MAD1L1: variants seen among roughly 807,000 people sequenced by gnomAD.
MAD1L1 encodes mitotic arrest deficient 1 like 1.
Under a neutral mutation model 96.9 loss-of-function variants are expected in MAD1L1, and 95 were observed. That is an observed-to-expected ratio of 0.98 (90% CI 0.83 to 1.16). The LOEUF (loss-of-function observed/expected upper bound fraction) is 1.16. Ranked by LOEUF, MAD1L1 falls within the 50% of genes most tolerant of loss-of-function variation. MAD1L1 has a pLI of 0.00. For synonymous variants in MAD1L1, 473 were observed against 396.6 expected (o/e 1.19, Z -2.29); for missense variants, 1,007 against 954.4 (o/e 1.06, Z -0.73).
chr7:1,934,613 G>A (rs1213797984), intron 17 of MAD1L1, among the ~76,000 whole-genome samples: 1 of 151,480 alleles, frequency 6.6e-6, no homozygotes, highest in Admixed American at 6.6e-5. Flanking sequence ...CAGACAACAG[G>A]GGAACGAACA....
At chr7:2,096,622 T>G (rs1311554837) in intron 11 of MAD1L1, among the ~76,000 whole-genome samples, 1 of 152,158 alleles carries the variant, frequency 6.6e-6, no homozygotes, top group Non-Finnish European at 1.5e-5. Flanking sequence ...CTTCCCCCGC[T>G]ACAGCGAGAC....
Position 2,103,264 on chromosome 7 carries a change from C to T in MAD1L1, c.1074-33926G>A, listed in dbSNP as rs1050788696. Among the ~76,000 whole-genome samples the T allele has an allele frequency of 9.5e-4, 145 of 152,270 alleles. No individual in the cohort carries two copies. Among genetic ancestry groups the T allele is most frequent in the Non-Finnish European group, 7.4e-5 (5 of 68,018 alleles). On this transcript the variant is annotated intron_variant, in intron 11 of 18. Transcript: ENST00000265854. The surrounding 1 kb of genome is among the most constrained non-coding windows in gnomAD (Gnocchi z 4.3). ...CATCCGGCCACGCTGAGGGCCGGGTCGCAGCCCAAGCCATGGCTGCCCCGA... is the reference window on the plus strand; with the variant it reads ...CATCCGGCCACGCTGAGGGCCGGGTTGCAGCCCAAGCCATGGCTGCCCCGA...
At chr7:2,169,458 C>T (rs557237861) in intron 10 of MAD1L1, among the ~76,000 whole-genome samples, 1 of 152,086 alleles carries the variant, frequency 6.6e-6, no homozygotes, top group African/African-American at 2.4e-5. Flanking sequence ...TTGTTCTTTA[C>T]TTGGAAAAAA....
intron 11 of MAD1L1, among the ~76,000 whole-genome samples, chr7:2,100,645 G>C (rs930234708): frequency 6.6e-6 from 1 of 152,250 alleles, no homozygotes; most frequent in East Asian, 1.9e-4. Context: ...GGAAACGGCC[G>C]CACTGGGCCA....
intron 11 of MAD1L1, among the ~76,000 whole-genome samples, chr7:2,075,297 A>G (rs899628564): frequency 1.3e-5 from 2 of 152,184 alleles, no homozygotes; most frequent in Non-Finnish European, 2.9e-5. Flanking sequence ...CCAGGCGTGC[A>G]GGTAGAGGCG....
intron 15 of MAD1L1, among the ~76,000 whole-genome samples, 178 bp from the exon 16 acceptor site, chr7:1,957,897 C>T (rs959008015): frequency 6.6e-6 from 1 of 152,208 alleles, no homozygotes; most frequent in Non-Finnish European, 1.5e-5. Context: ...AATTGGAAAA[C>T]GACACAAGTA....
chr7:2,098,018 C>A (rs1175831736), intron 11 of MAD1L1, among the ~76,000 whole-genome samples: 2 of 152,230 alleles, frequency 1.3e-5, no homozygotes, highest in South Asian at 4.1e-4. Context: ...TGAGAGGAAG[C>A]TTCACCTCCA....
At chr7:2,017,432 C>T (rs145747485) in intron 12 of MAD1L1, among the ~76,000 whole-genome samples, 111 of 152,306 alleles carry the variant, frequency 7.3e-4, no homozygotes, top group African/African-American at 2.5e-3. Flanking sequence ...GGTGAGCAGT[C>T]GGCATCACCT....
At chr7:1,872,374 C>T (rs1426544355) in intron 18 of MAD1L1, among the ~76,000 whole-genome samples, 4 of 152,172 alleles carry the variant, frequency 2.6e-5, no homozygotes, top group Admixed American at 2.6e-4. Flanking sequence ...TGCACCAGGC[C>T]TCCCCACAGC....
At chr7:2,063,936 A>C (rs1253150168) in intron 12 of MAD1L1, among the ~76,000 whole-genome samples, 1 of 152,170 alleles carries the variant, frequency 6.6e-6, no homozygotes, top group African/African-American at 2.4e-5. Context: ...GGGCCTCCTC[A>C]AACCCCAGGC....
chr7:2,008,787 C>T (rs559273125), intron 13 of MAD1L1, among the ~76,000 whole-genome samples: 38 of 114,576 alleles, frequency 3.3e-4, no homozygotes, highest in African/African-American at 9.2e-4. Flanking sequence ...GGAAGGAACA[C>T]GGCTCCATCC....
intron 12 of MAD1L1, among the ~76,000 whole-genome samples, chr7:2,021,483 C>A (rs1314139702): frequency 6.6e-6 from 1 of 152,176 alleles, no homozygotes; most frequent in Non-Finnish European, 1.5e-5. Flanking sequence ...AAACTCTCAG[C>A]GGGGCACACT....
intron 15 of MAD1L1, among the ~76,000 whole-genome samples, chr7:1,964,666 C>G (rs1780085910): frequency 6.6e-6 from 1 of 152,214 alleles, no homozygotes; most frequent in Non-Finnish European, 1.5e-5. Context: ...AATTAGCTGC[C>G]AGCCTAGATC....
chr7:2,132,713 C>T (rs1413767122), intron 11 of MAD1L1, among the ~76,000 whole-genome samples: 1 of 152,268 alleles, frequency 6.6e-6, no homozygotes, highest in African/African-American at 2.4e-5. Flanking sequence ...CGTCTTTTCA[C>T]AGCTTGGTAG....
At chr7:2,138,289 G>T (rs904213230) in intron 11 of MAD1L1, among the ~76,000 whole-genome samples, 1 of 152,154 alleles carries the variant, frequency 6.6e-6, no homozygotes, top group Non-Finnish European at 1.5e-5. Flanking sequence ...CCCAGGGGAC[G>T]TGCTCCCTGG....
In MAD1L1 at chr7:2,038,003, A is replaced by C. The variant is rs187177658; in HGVS notation, c.1219-23361T>G. On this transcript the variant is annotated intron_variant, in intron 12 of 18. Coordinates refer to ENST00000265854, the MANE Select transcript of MAD1L1 (RefSeq NM_001013836.2). ...TGCCAAACAGCTCGCCAAGTTGTGAATGCAAAGGGAAAGTTCTTGGAGGAA... is the reference window on the plus strand; with the variant it reads ...TGCCAAACAGCTCGCCAAGTTGTGACTGCAAAGGGAAAGTTCTTGGAGGAA... 4.0e-3 allele frequency among the ~76,000 whole-genome samples: 615 copies of C among 152,344 alleles called. 6 individuals are homozygous for C. Among genetic ancestry groups the C allele is most frequent in the African/African-American group, 0.014 (582 of 41,576 alleles).
rs781635983 is a variant in MAD1L1 at position 2,014,489 on chromosome 7, C to G, written c.1359+13G>C. On this transcript the variant is annotated intron_variant, in intron 13 of 18. Transcript: ENST00000265854. ...CACCTGGCGACGTGAGCCCCACGCC[C>G]GCGGCCCCTCACCTCCATCTCGGCG... 6.4e-7 allele frequency: 1 copy of G among 1,559,448 alleles called. No homozygotes were observed. The highest frequency in any genetic ancestry group is 2.3e-5 in the East Asian group (1 of 42,884).
intron 18 of MAD1L1, among the ~76,000 whole-genome samples, chr7:1,823,831 G>A (rs1221738016): frequency 1.3e-5 from 2 of 152,152 alleles, no homozygotes; most frequent in East Asian, 3.9e-4. Flanking sequence ...AATATTTCAT[G>A]CTTGGATCTG....
chr7:2,015,442 CCTGCCAG>C (rs1273151655), intron 12 of MAD1L1, among the ~76,000 whole-genome samples: 2 of 152,214 alleles, frequency 1.3e-5, no homozygotes, highest in Admixed American at 6.5e-5. Flanking sequence ...TCAGTTGTGT[CCTGCCAG>C]CCAGTCAGGG....
Sources: gnomAD v4.1 joint callset for allele counts (sites outside exome capture counted in the v4.1 genomes callset) on GRCh38, gnomAD v4.1.1 for gene constraint, Gnocchi (gnomAD v3.1) non-coding constraint, MANE v1.5 for transcripts, NCBI Gene and HGNC (gene_info 2026-07-23, HGNC 2026-07-21) for gene names.